KIR2DL3: variants seen among roughly 807,000 people sequenced by gnomAD.
KIR2DL3 encodes killer cell immunoglobulin like receptor, two Ig domains and long cytoplasmic tail 3, also known as killer cell immunoglobulin-like receptor 2DL3.
In KIR2DL3, 39 loss-of-function variants were observed where a neutral mutation model predicts 33.8. The observed-to-expected ratio is 1.15, with a 90% CI of 0.89 to 1.51. The LOEUF is 1.51. KIR2DL3 is among the 40% of genes most tolerant of loss of function. The pLI, the probability that KIR2DL3 is intolerant of heterozygous loss-of-function variation, is 0.00. For synonymous variants in KIR2DL3, 174 were observed against 160.2 expected (o/e 1.09, Z -0.65); for missense variants, 462 against 426.2 (o/e 1.08, Z -0.74).
intron 2 of KIR2DL3, among the ~76,000 whole-genome samples, chr19:54,740,849 T>C (rs2070927715): frequency 1.3e-5 from 2 of 151,196 alleles, no homozygotes; most frequent in South Asian, 2.1e-4. Flanking sequence ...ATCACAAGGG[T>C]GCACATGAAA....
At position 54,751,230 on chromosome 19, in the gene KIR2DL3, G is replaced by C. The variant is rs1399370610; in HGVS notation, c.716-419G>C. 3.0e-5 allele frequency among the ~76,000 whole-genome samples: 4 copies of C among 131,556 alleles called. 1 individual carries two copies. The highest frequency in any genetic ancestry group is 2.0e-4 in the East Asian group (1 of 5,024). The allele number at this position is 131,556 out of a possible 152,430, so 86.3% of individuals were successfully genotyped here. On this transcript the variant is annotated intron_variant, in intron 5 of 7. Transcript: ENST00000342376. ...ATCACACGGCAAGAGAGGGAGCAAG[G>C]GGGAGGGGGAGCGATGGAGCTTCCA...
rs2071239304 is a variant in KIR2DL3 at position 54,742,062 on chromosome 19, A to G, written c.153A>G (p.Ser51=). The change falls in exon 3 of 8, where the codon TCA becomes TCG. Residue 51 remains serine (S), a synonymous_variant. Transcript: ENST00000342376. The stretch of plus-strand genomic sequence containing the variant: ...AGACAGTCATCCTGCAATGTTGGTC[A>G]GATGTCAGGTTTCAGCACTTCCTTC... The part of the protein sequence containing the change: ...SEETVILQCW[S]DVRFQHFLLH... 6.2e-7 allele frequency: 1 copy of G among 1,613,556 alleles called. No homozygotes were observed. Among genetic ancestry groups the G allele is most frequent in the Non-Finnish European group, 8.5e-7 (1 of 1,179,716 alleles).
At chr19:54,749,322 G>A (rs936551847) in intron 5 of KIR2DL3, among the ~76,000 whole-genome samples, 3 of 147,354 alleles carry the variant, frequency 2.0e-5, no homozygotes, top group African/African-American at 2.5e-5. Context: ...AGGCTCAGTT[G>A]CATAACTGGA....
intron 4 of KIR2DL3, among the ~76,000 whole-genome samples, chr19:54,744,661 G>T (rs2071940728): frequency 6.6e-6 from 1 of 150,550 alleles, no homozygotes; most frequent in Non-Finnish European, 1.5e-5. Flanking sequence ...TGAGTAGCTG[G>T]TGCTACAGGC....
At chr19:54,746,827 A>G (rs1308271507) in intron 4 of KIR2DL3, among the ~76,000 whole-genome samples, 2 of 147,800 alleles carry the variant, frequency 1.4e-5, no homozygotes, top group Non-Finnish European at 3.0e-5. Context: ...CACTAAAAAT[A>G]TAAAAATTAG....
At chr19:54,741,858 A>G in intron 2 of KIR2DL3, 122 bp from the exon 3 acceptor site, 1 of 1,277,642 alleles carries the variant, frequency 7.8e-7, no homozygotes, top group Non-Finnish European at 1.1e-6. Flanking sequence ...AGAAAAGAAC[A>G]TGAAGACACA....
At chr19:54,744,892 A>ATATATATGTATG (rs2072058347) in intron 4 of KIR2DL3, among the ~76,000 whole-genome samples, 1 of 71,334 alleles carries the variant, frequency 1.4e-5, no homozygotes, top group Non-Finnish European at 3.0e-5. Flanking sequence ...ATATATATAT[A>ATATATATGTATG]TATATACACA....
Position 54,742,259 on chromosome 19 carries a change from C to G in KIR2DL3, c.350C>G (p.Pro117Arg), listed in dbSNP as rs1444738209. ...SPYQLSAPSD[P>R]LDIVITGLYE... ...TATCAGTTGTCAGCTCCCAGTGACCCTCTGGACATCGTCATCACAGGTGAG... is the reference window on the plus strand; with the variant it reads ...TATCAGTTGTCAGCTCCCAGTGACCGTCTGGACATCGTCATCACAGGTGAG... The change falls in exon 3 of 8, where the codon CCT becomes CGT. Residue 117 changes from proline (P) to arginine (R), a missense_variant. Transcript: ENST00000342376. 4.0e-5 allele frequency: 64 copies of G among 1,614,048 alleles called. No individual in the cohort carries two copies. Among genetic ancestry groups the G allele is most frequent in the African/African-American group, 2.7e-5 (2 of 74,888 alleles).
intron 2 of KIR2DL3, among the ~76,000 whole-genome samples, chr19:54,740,233 A>G (rs1239196426): frequency 1.3e-5 from 2 of 151,952 alleles, no homozygotes; most frequent in Admixed American, 1.3e-4. Context: ...GCAGTTCCAC[A>G]TCCTCCTCTC....
intron 3 of KIR2DL3, 54 bp downstream of exon 3, chr19:54,742,333 C>T (rs376866046): frequency 0.044 from 66,392 of 1,510,334 alleles, 1,579 homozygotes; most frequent in African/African-American, 0.1. Context: ...GAATGATCCA[C>T]GACTTGGAAC....
intron 2 of KIR2DL3, among the ~76,000 whole-genome samples, chr19:54,741,451 G>T (rs1365604433): frequency 6.6e-6 from 1 of 152,130 alleles, no homozygotes; most frequent in Non-Finnish European, 1.5e-5. Context: ...ATAGGGAGGG[G>T]TTGATACTCC....
At chr19:54,745,032 T>A (rs2072224699) in intron 4 of KIR2DL3, among the ~76,000 whole-genome samples, 1 of 146,236 alleles carries the variant, frequency 6.8e-6, no homozygotes, top group African/African-American at 2.5e-5. Context: ...CTCTCTACCT[T>A]CATGAGATCC....
chr19:54,748,650 C>T (rs62124361), intron 5 of KIR2DL3, among the ~76,000 whole-genome samples: 24,819 of 109,354 alleles, frequency 0.23, 817 homozygotes, highest in South Asian at 0.32. Context: ...GAGACAGAGT[C>T]GCCCTCTGTC....
intron 3 of KIR2DL3, among the ~76,000 whole-genome samples, chr19:54,742,715 G>C (rs1474264863): frequency 7.3e-5 from 11 of 150,966 alleles, no homozygotes; most frequent in African/African-American, 2.7e-4. Flanking sequence ...TACAGGCCAT[G>C]TTTATTCTGA....
chr19:54,746,374 G>T (rs796761277), intron 4 of KIR2DL3, among the ~76,000 whole-genome samples: 1 of 123,700 alleles, frequency 8.1e-6, no homozygotes. Context: ...TATTTTTAGC[G>T]GTGCAGAAGT....
intron 4 of KIR2DL3, among the ~76,000 whole-genome samples, chr19:54,744,510 TA>T (rs2071889365): frequency 6.6e-6 from 1 of 152,076 alleles, no homozygotes; most frequent in African/African-American, 2.4e-5. Context: ...AATATACCTA[TA>T]TAGCTTACCA....
intron 5 of KIR2DL3, among the ~76,000 whole-genome samples, chr19:54,749,262 G>A (rs2073063146): frequency 6.7e-6 from 1 of 149,702 alleles, no homozygotes; most frequent in South Asian, 2.1e-4. Context: ...TTCACCTCGG[G>A]GTAACCAGGA....
At position 54,743,783 on chromosome 19, in the gene KIR2DL3, C is replaced by G. The variant is rs770516049; in HGVS notation, c.371-12C>G. On this transcript the variant is annotated splice_polypyrimidine_tract_variant and intron_variant, in intron 3 of 7. Coordinates refer to ENST00000342376, the MANE Select transcript of KIR2DL3 (RefSeq NM_015868.3). ...AAGATCCTCCGTAAGGAAAATGCCT[C>G]TTCTCCTCCAGGTCTATATGAGAAA... 4 of 1,558,586 alleles carry G rather than the reference C, an allele frequency of 2.6e-6. No individual in the cohort carries two copies. The highest frequency in any genetic ancestry group is 4.5e-5 in the East Asian group (2 of 44,702).
rs2073714891 is a variant in KIR2DL3 at position 54,752,934 on chromosome 19, A to C, written c.*415A>C. 7.4e-6 allele frequency: 2 copies of C among 270,406 alleles called. No individual in the cohort carries two copies. Among genetic ancestry groups the C allele is most frequent in the Non-Finnish European group, 1.4e-5 (2 of 141,952 alleles). 16.8% of individuals were successfully genotyped at this position (270,406 alleles called of 1,614,324 possible). A position where few individuals can be genotyped will look rare whatever the true frequency, so the allele number is the denominator to read the frequency against. On this transcript the variant is annotated 3_prime_UTR_variant, in exon 8 of 8. Transcript: ENST00000342376. ...GACACGTGCTGTTCCACCTTCCCTC[A>C]TGCTGTTCCACCTCCCCTCAGACTA... is the stretch of plus-strand genomic sequence containing the variant.
Sources: allele counts gnomAD v4.1 joint callset (sites outside exome capture counted in the v4.1 genomes callset), GRCh38; gene constraint gnomAD v4.1.1; transcripts MANE v1.5; gene names NCBI Gene and HGNC (gene_info 2026-07-23, HGNC 2026-07-21).